The following GLI2 variants were observed in gnomAD, a reference collection of about 807,000 sequenced individuals.
The protein encoded by GLI2 is GLI family zinc finger 2.
Under a neutral mutation model 78.9 loss-of-function variants are expected in GLI2, and 22 were observed. That is an observed-to-expected ratio of 0.28 (90% confidence interval 0.20 to 0.40). The LOEUF is 0.40. Ranked by LOEUF, GLI2 falls within the 10% of genes least tolerant of loss-of-function variation. The pLI is 1.00. For synonymous variants in GLI2, 974 were observed against 963.7 expected (o/e 1.01, Z -0.20); for missense variants, 2,097 against 2,213.2 (o/e 0.95, Z 1.05).
chr2:120,941,251 T>C (rs11122832), intron 3 of GLI2, among the ~76,000 whole-genome samples: 131,334 of 152,238 alleles, frequency 0.86, 59,511 homozygotes, highest in East Asian at 1. Context: ...ATTTGCTGTA[T>C]GGCTCTTAAA....
At chr2:120,773,615 G>A (rs1161493509) in intron 1 of GLI2, among the ~76,000 whole-genome samples, 2 of 152,192 alleles carry the variant, frequency 1.3e-5, no homozygotes. Context: ...TGCGTGCTTG[G>A]GTACAGTAGC....
chr2:120,923,550 C>T (rs1679506363), intron 2 of GLI2, among the ~76,000 whole-genome samples: 1 of 151,908 alleles, frequency 6.6e-6, no homozygotes, highest in African/African-American at 2.4e-5. Context: ...GCAACACACG[C>T]ATACAGCACA....
rs1241902793 is a variant in GLI2 at position 120,951,403 on chromosome 2, C to T, written c.415C>T (p.Leu139Phe). 1.2e-6 allele frequency: 2 copies of T among 1,613,580 alleles called. No homozygotes were observed. The highest frequency in any genetic ancestry group is 2.2e-5 in the East Asian group (1 of 44,852). Residue 139 changes from leucine (L) to phenylalanine (F), a missense_variant, in exon 4 of 14, where the codon CTC becomes TTC. Physicochemically the swap from Leu to Phe is conservative, Grantham distance 22. This residue lies in a region of GLI2 where 578 missense variants were observed against 612.0 expected (regional missense o/e 0.94). Coordinates refer to ENST00000361492, the MANE Select transcript of GLI2 (RefSeq NM_001374353.1). ...YLRSVHSSPTLSMISAARGLS... is the reference protein window; with the variant it reads ...YLRSVHSSPTFSMISAARGLS... ...CCGTTCTGTGCACAGCAGCCCCACGCTCTCCATGATCTCTGCAGCCAGGGG... is the reference window on the plus strand; with the variant it reads ...CCGTTCTGTGCACAGCAGCCCCACGTTCTCCATGATCTCTGCAGCCAGGGG...
chr2:120,824,102 C>T (rs1004533337), intron 2 of GLI2, among the ~76,000 whole-genome samples: 9 of 152,064 alleles, frequency 5.9e-5, no homozygotes, highest in African/African-American at 1.7e-4. Context: ...GGGGGGATTC[C>T]GTTGGGATGA....
intron 10 of GLI2, among the ~76,000 whole-genome samples, chr2:120,982,045 A>ATGCCC (rs1682738871): frequency 1.3e-5 from 2 of 152,202 alleles, no homozygotes; most frequent in Admixed American, 1.3e-4. Flanking sequence ...GATTGAGAAT[A>ATGCCC]TCAGAAAAAT....
chr2:120,848,229 C>T (rs551701956), intron 2 of GLI2, among the ~76,000 whole-genome samples: 1 of 152,348 alleles, frequency 6.6e-6, no homozygotes, highest in African/African-American at 2.4e-5. Flanking sequence ...TGCAATAGTC[C>T]TGGAAGGGGC....
chr2:120,857,012 G>C (rs1158854818), intron 2 of GLI2, among the ~76,000 whole-genome samples: 1 of 152,122 alleles, frequency 6.6e-6, no homozygotes, highest in Non-Finnish European at 1.5e-5. Flanking sequence ...ATGGGGTGGA[G>C]GGAAAGCTGG....
At chr2:120,877,778 A>T (rs1035417852) in intron 2 of GLI2, among the ~76,000 whole-genome samples, 11 of 152,054 alleles carry the variant, frequency 7.2e-5, no homozygotes, top group African/African-American at 2.7e-4. Flanking sequence ...TCTGATGTTG[A>T]TGGGCATTTG....
At chr2:120,815,278 C>G (rs1453621545) in intron 2 of GLI2, among the ~76,000 whole-genome samples, 1 of 152,094 alleles carries the variant, frequency 6.6e-6, no homozygotes, top group Non-Finnish European at 1.5e-5. Context: ...GAAGTGTTTA[C>G]TCATAAAAAA....
chr2:120,833,394 T>C (rs1197756553), intron 2 of GLI2, among the ~76,000 whole-genome samples: 3 of 152,002 alleles, frequency 2.0e-5, no homozygotes, highest in Non-Finnish European at 4.4e-5. Flanking sequence ...GAACATGGGA[T>C]CTATACCAAG....
intron 2 of GLI2, among the ~76,000 whole-genome samples, chr2:120,918,810 T>C (rs1427769732): frequency 6.6e-6 from 1 of 152,222 alleles, no homozygotes; most frequent in Non-Finnish European, 1.5e-5. Context: ...AACTGAAGCT[T>C]GGAACACTCA....
At chr2:120,861,471 C>T (rs1327879039) in intron 2 of GLI2, among the ~76,000 whole-genome samples, 2 of 152,164 alleles carry the variant, frequency 1.3e-5, no homozygotes, top group Non-Finnish European at 2.9e-5. Flanking sequence ...TGGCTGGAGT[C>T]GCCCACGCTA....
chr2:120,845,385 A>G (rs556783589), intron 2 of GLI2, among the ~76,000 whole-genome samples: 137 of 152,344 alleles, frequency 9.0e-4, no homozygotes, highest in Non-Finnish European at 1.5e-3. Flanking sequence ...AAGACATGCT[A>G]TACAGGGAGG....
intron 1 of GLI2, among the ~76,000 whole-genome samples, chr2:120,789,563 A>C (rs1021783618): frequency 2.6e-5 from 4 of 152,206 alleles, no homozygotes; most frequent in Non-Finnish European, 5.9e-5. Context: ...GAGCTCCCAC[A>C]AGTAGAAACT....
intron 2 of GLI2, among the ~76,000 whole-genome samples, chr2:120,805,776 G>A (rs933320610): frequency 6.6e-5 from 10 of 152,154 alleles, no homozygotes; most frequent in Admixed American, 1.3e-4. Flanking sequence ...CTGACGTTTG[G>A]TTCTGTCAAA....
intron 2 of GLI2, among the ~76,000 whole-genome samples, chr2:120,905,850 T>C (rs1035311092): frequency 2.0e-5 from 3 of 150,624 alleles, no homozygotes; most frequent in Non-Finnish European, 4.4e-5. Flanking sequence ...AGGGGCTGAT[T>C]GGGGGAGGGC....
rs532227034 is a variant in GLI2 at position 120,899,772 on chromosome 2, G to A, written c.149-27589G>A. Among the ~76,000 whole-genome samples the A allele has an allele frequency of 5.3e-5, 8 of 152,326 alleles. No individual in the cohort carries two copies. The South Asian group carries it at 8.3e-4, about 16-fold the overall frequency. On this transcript the variant is annotated intron_variant, in intron 2 of 13. Coordinates refer to ENST00000361492, the MANE Select transcript of GLI2 (RefSeq NM_001374353.1). ...TAAGTGAAGTCATCGATGAAAATAC[G>A]CTTTAGAAATGAGGTTTGTACAGCG... is the stretch of plus-strand genomic sequence containing the variant.
chr2:120,785,643 A>G (rs1683976897), intron 1 of GLI2, among the ~76,000 whole-genome samples: 1 of 152,156 alleles, frequency 6.6e-6, no homozygotes, highest in South Asian at 2.1e-4. Flanking sequence ...CAAGCCCAGC[A>G]CCACCCATGG....
In GLI2 at chr2:120,957,137, TC is replaced by T. The variant is rs532412823; in HGVS notation, c.643+1709del. Among the ~76,000 whole-genome samples, 22 of 152,120 alleles carry T rather than the reference TC, an allele frequency of 1.4e-4. 1 individual carries two copies. The South Asian group carries it at 4.4e-3, about 30-fold the overall frequency. ...TTTGCTGAGAAGAGGGCGGCCAACC[TC>T]CGAGGCTGGCCCCTCATGGATATGG... On this transcript the variant is annotated intron_variant, in intron 5 of 13. Coordinates refer to ENST00000361492, the MANE Select transcript of GLI2 (RefSeq NM_001374353.1).
Sources: gnomAD v4.1 joint callset for allele counts (sites outside exome capture counted in the v4.1 genomes callset) on GRCh38, gnomAD v4.1.1 for gene constraint, gnomAD v4.1.1 regional missense constraint, MANE v1.5 for transcripts, NCBI Gene and HGNC (gene_info 2026-07-23, HGNC 2026-07-21) for gene names.